KCNB2: variants seen among roughly 807,000 people sequenced by gnomAD.
KCNB2 encodes potassium voltage-gated channel subfamily B member 2, also known as delayed rectifier potassium channel protein.
KCNB2 carries 15 observed loss-of-function variants against 61.5 expected under a neutral mutation model. The observed-to-expected ratio is 0.24, with a 90% CI of 0.16 to 0.38. The LOEUF (loss-of-function observed/expected upper bound fraction) is 0.38. Among genes scored for constraint, KCNB2 ranks in the 10% least tolerant of loss-of-function variants. The pLI, the probability that KCNB2 is intolerant of heterozygous loss-of-function variation, is 1.00. For missense variants in KCNB2, 828 were observed against 1,125.2 expected (o/e 0.74, Z 3.78); for synonymous variants, 457 against 446.0 (o/e 1.02, Z -0.31).
intron 2 of KCNB2, among the ~76,000 whole-genome samples, chr8:72,708,349 A>G (rs991773075): frequency 1.3e-5 from 2 of 152,202 alleles, no homozygotes; most frequent in Admixed American, 6.5e-5. Flanking sequence ...CAACAGTGCA[A>G]TTGTTGGACA....
chr8:72,650,075 G>T (rs1013148080), intron 2 of KCNB2, among the ~76,000 whole-genome samples: 1 of 152,060 alleles, frequency 6.6e-6, no homozygotes, highest in Non-Finnish European at 1.5e-5. Flanking sequence ...TAAAAGGAAA[G>T]ACAATTATAC....
chr8:72,754,555 G>A (rs570643887), intron 2 of KCNB2, among the ~76,000 whole-genome samples: 31 of 152,264 alleles, frequency 2.0e-4, no homozygotes, highest in African/African-American at 4.6e-4. Flanking sequence ...CTGAATGTAG[G>A]TGCAGTTGCA....
At chr8:72,851,503 C>T (rs190463039) in intron 2 of KCNB2, among the ~76,000 whole-genome samples, 65 of 152,160 alleles carry the variant, frequency 4.3e-4, no homozygotes, top group African/African-American at 1.2e-3. Flanking sequence ...ACATGGGTAC[C>T]AGAGCCAGAG....
Position 72,683,379 on chromosome 8 carries a change from A to G in KCNB2, c.579+115066A>G, listed in dbSNP as rs1271121335. ...TGCCAGGCCAGTATAGAAAGAAAGA[A>G]GAAAACAATAAAATCCATTTTTATT... is the stretch of plus-strand genomic sequence containing the variant. On this transcript the variant is annotated intron_variant, in intron 2 of 2. Transcript: ENST00000523207. 2.0e-5 allele frequency among the ~76,000 whole-genome samples: 3 copies of G among 152,226 alleles called. No homozygotes were observed. The South Asian group carries it at 6.2e-4, about 32-fold the overall frequency.
intron 2 of KCNB2, among the ~76,000 whole-genome samples, chr8:72,677,168 A>G (rs1806669748): frequency 6.6e-6 from 1 of 152,214 alleles, no homozygotes; most frequent in African/African-American, 2.4e-5. Context: ...AGGCAACTAC[A>G]GGAAGCTAGG....
intron 2 of KCNB2, among the ~76,000 whole-genome samples, chr8:72,785,807 A>G (rs1808836814): frequency 1.3e-5 from 2 of 152,162 alleles, no homozygotes; most frequent in South Asian, 4.1e-4. Context: ...AGATTCCTTC[A>G]TTCAGTAACT....
chr8:72,897,964 C>T lies in KCNB2; in HGVS notation c.580-37971C>T, dbSNP rs548736268. Among the ~76,000 whole-genome samples the T allele has an allele frequency of 1.1e-4, 16 of 152,226 alleles. No individual in the cohort carries two copies. In the South Asian group the frequency reaches 2.9e-3, roughly 28 times the overall value. ...AGAGGTACCCTAGGTAGTGACAAAG[C>T]CTGTGAGCTTCAAAGGCACACCTCT... On this transcript the variant is annotated intron_variant, in intron 2 of 2. Coordinates refer to ENST00000523207, the MANE Select transcript of KCNB2 (RefSeq NM_004770.3).
chr8:72,861,603 G>A (rs549933087), intron 2 of KCNB2, among the ~76,000 whole-genome samples: 2 of 152,266 alleles, frequency 1.3e-5, no homozygotes, highest in Admixed American at 1.3e-4. Flanking sequence ...GCTGGTTTTG[G>A]CATTGACCCT....
intron 2 of KCNB2, among the ~76,000 whole-genome samples, chr8:72,595,154 C>G (rs994931233): frequency 6.6e-6 from 1 of 151,984 alleles, no homozygotes; most frequent in African/African-American, 2.4e-5. Context: ...CAGAGCCCTT[C>G]CTGTGCACCT....
At chr8:72,897,877 C>T (rs1003529126) in intron 2 of KCNB2, among the ~76,000 whole-genome samples, 2 of 151,988 alleles carry the variant, frequency 1.3e-5, no homozygotes, top group African/African-American at 4.8e-5. Flanking sequence ...TTGGGTGCAC[C>T]CTGTTCTCAG....
intron 2 of KCNB2, among the ~76,000 whole-genome samples, chr8:72,836,518 T>C (rs531975688): frequency 6.6e-6 from 1 of 152,338 alleles, no homozygotes; most frequent in South Asian, 2.1e-4. Flanking sequence ...CAAGATAATG[T>C]GTTCCTTTAA....
At chr8:72,737,201 TAA>T (rs1054067602) in intron 2 of KCNB2, among the ~76,000 whole-genome samples, 3 of 152,184 alleles carry the variant, frequency 2.0e-5, no homozygotes, top group African/African-American at 7.2e-5. Context: ...TTTTTTAACA[TAA>T]GCTTGGATTA....
chr8:72,765,658 G>A (rs2128996779), intron 2 of KCNB2, among the ~76,000 whole-genome samples: 1 of 152,302 alleles, frequency 6.6e-6, no homozygotes, highest in Admixed American at 6.5e-5. Flanking sequence ...CAGACAAGCT[G>A]ATTATCAAAT....
chr8:72,619,127 T>A (rs1200848533), intron 2 of KCNB2: 1 of 298,808 alleles, frequency 3.3e-6, no homozygotes, highest in African/African-American at 2.3e-5. Flanking sequence ...TTAGTTTTTT[T>A]TCAAGATTTT....
intron 2 of KCNB2, among the ~76,000 whole-genome samples, chr8:72,762,769 A>G (rs1315396507): frequency 6.6e-6 from 1 of 151,996 alleles, no homozygotes; most frequent in Admixed American, 6.6e-5. Context: ...CAAGAAGCCT[A>G]AAGCTCAATA....
intron 1 of KCNB2, among the ~76,000 whole-genome samples, chr8:72,542,089 C>A (rs1339818790): frequency 6.6e-6 from 1 of 151,920 alleles, no homozygotes; most frequent in African/African-American, 2.4e-5. Context: ...ACTATGATAA[C>A]ATTATGAAAA....
intron 2 of KCNB2, among the ~76,000 whole-genome samples, chr8:72,819,759 G>A (rs879472743): frequency 2.0e-4 from 31 of 151,962 alleles, no homozygotes; most frequent in Non-Finnish European, 2.6e-4. Context: ...ATTGATATAT[G>A]CTTCCAATCT....
At chr8:72,578,135 G>C (rs1017712105) in intron 2 of KCNB2, among the ~76,000 whole-genome samples, 2 of 152,174 alleles carry the variant, frequency 1.3e-5, no homozygotes, top group African/African-American at 2.4e-5. Flanking sequence ...CTGAAGAACA[G>C]CAACAGAGTC....
chr8:72,913,623 C>G lies in KCNB2; in HGVS notation c.580-22312C>G, dbSNP rs1013244919. Among the ~76,000 whole-genome samples, 5 of 152,256 alleles carry G rather than the reference C, an allele frequency of 3.3e-5. No homozygotes were observed. In the South Asian group the frequency reaches 6.2e-4, roughly 19 times the overall value. On this transcript the variant is annotated intron_variant, in intron 2 of 2. Transcript: ENST00000523207. Reference sequence around the variant, plus strand: ...ACTGGCATTCCGAGGATGGATGAGACAGAGGGCCACAATGCACTCTCAACT... The same window carrying G: ...ACTGGCATTCCGAGGATGGATGAGAGAGAGGGCCACAATGCACTCTCAACT...
Sources: allele counts gnomAD v4.1 joint callset (sites outside exome capture counted in the v4.1 genomes callset), GRCh38; gene constraint gnomAD v4.1.1; transcripts MANE v1.5; gene names NCBI Gene and HGNC (gene_info 2026-07-23, HGNC 2026-07-21).